TPP2: variants seen among roughly 807,000 people sequenced by gnomAD.
The protein encoded by TPP2 is tripeptidyl-peptidase 2.
A neutral mutation model predicts 155.9 loss-of-function variants in TPP2; 34 were observed. That is an observed-to-expected ratio of 0.22 (90% CI 0.17 to 0.29). TPP2 has a LOEUF of 0.29. Ranked by LOEUF, TPP2 falls within the 10% of genes least tolerant of loss-of-function variation. The probability of loss-of-function intolerance (pLI) is 1.00; values close to 1 mark genes in which losing one functional copy is unlikely to be tolerated. For synonymous variants in TPP2, 510 were observed against 529.4 expected (o/e 0.96, Z 0.50); for missense variants, 1,028 against 1,522.3 (o/e 0.68, Z 5.40).
At position 102,644,674 on chromosome 13, in the gene TPP2, G is replaced by GT. The variant is rs1217380815; in HGVS notation, c.2292+2dup. 1 of 1,590,774 alleles carries GT rather than the reference G, an allele frequency of 6.3e-7. No individual in the cohort carries two copies. The highest frequency in any genetic ancestry group is 8.5e-7 in the Non-Finnish European group (1 of 1,170,424). On this transcript the variant is annotated splice_donor_variant, in intron 18 of 29. Coordinates refer to ENST00000376052, the MANE Select transcript of TPP2 (RefSeq NM_001330588.2). LOFTEE classifies it high-confidence loss of function. ...GTGTACTGCTCCTCAGTTAAACATT[G>GT]TAAGTTCCACAACATTTTCATGATT...
intron 29 of TPP2, 32 bp downstream of exon 29, chr13:102,676,447 A>C (rs1885286400): frequency 6.2e-7 from 1 of 1,601,142 alleles, no homozygotes; most frequent in Admixed American, 1.7e-5. Context: ...ACTGTTAAGC[A>C]TCACTTTGAT....
chr13:102,660,320 AAAAAT>A (rs1159482027), intron 25 of TPP2, among the ~76,000 whole-genome samples: 3 of 152,288 alleles, frequency 2.0e-5, no homozygotes, highest in South Asian at 2.1e-4. Context: ...ATCAAAAACA[AAAAAT>A]AAAATCGAAG....
Position 102,629,560 on chromosome 13 carries a change from A to G in TPP2, c.1095A>G (p.Pro365=). The G allele has an allele frequency of 6.4e-7, 1 of 1,554,928 alleles. No homozygotes were observed. Among genetic ancestry groups the G allele is most frequent in the Non-Finnish European group, 8.6e-7 (1 of 1,159,656 alleles). Reference sequence around the variant, plus strand: ...TTTCAAGTGCTGGAAATAATGGTCCATGCCTGTCTACAGTTGGTTGTCCAG... The same window carrying G: ...TTTCAAGTGCTGGAAATAATGGTCCGTGCCTGTCTACAGTTGGTTGTCCAG... ...IYVSSAGNNG[P]CLSTVGCPGG... The change falls in exon 9 of 30, where the codon CCA becomes CCG. Residue 365 remains proline, a synonymous_variant. Transcript: ENST00000376052.
chr13:102,651,319 T>C, intron 23 of TPP2, 40 bp from the exon 24 acceptor site: 1 of 1,560,770 alleles, frequency 6.4e-7, no homozygotes, highest in Non-Finnish European at 8.7e-7. Context: ...CCTGTGTAGA[T>C]TATGCATGTT....
At chr13:102,655,086 T>TGG (rs1297589030) in intron 24 of TPP2, 2 of 467,734 alleles carry the variant, frequency 4.3e-6, no homozygotes, top group Admixed American at 4.5e-5. Context: ...TGGATTTATA[T>TGG]GGTTATCTGA....
intron 14 of TPP2, among the ~76,000 whole-genome samples, chr13:102,637,846 C>T (rs1198162551): frequency 6.6e-6 from 1 of 152,212 alleles, no homozygotes; most frequent in Non-Finnish European, 1.5e-5. Context: ...CCACCACACC[C>T]AGCCAGTTAT....
At chr13:102,669,466 A>G (rs1016123165) in intron 27 of TPP2, among the ~76,000 whole-genome samples, 6 of 152,236 alleles carry the variant, frequency 3.9e-5, no homozygotes, top group Non-Finnish European at 8.8e-5. Context: ...GTTTAATAAC[A>G]TATTGAGCAG....
intron 5 of TPP2, among the ~76,000 whole-genome samples, chr13:102,619,307 T>A (rs941452280): frequency 3.3e-5 from 5 of 152,212 alleles, no homozygotes; most frequent in Admixed American, 2.0e-4. Flanking sequence ...GTTTCTTTTT[T>A]AGTGCCTTAT....
intron 25 of TPP2, among the ~76,000 whole-genome samples, chr13:102,657,723 A>T (rs1051587140): frequency 6.6e-6 from 1 of 152,170 alleles, no homozygotes; most frequent in Non-Finnish European, 1.5e-5. Flanking sequence ...TTTCTTCATG[A>T]TGCTGCGATA....
chr13:102,645,006 T>G lies in TPP2; in HGVS notation c.2390T>G (p.Leu797Arg), dbSNP rs1290948853. The G allele has an allele frequency of 6.8e-6, 11 of 1,613,200 alleles. No individual in the cohort carries two copies. Among genetic ancestry groups the G allele is most frequent in the Non-Finnish European group, 9.3e-6 (11 of 1,179,510 alleles). Residue 797 changes from leucine (L) to arginine (R), a missense_variant, in exon 19 of 30, where the codon CTG becomes CGG. Leu to Arg is a moderately radical substitution (Grantham distance 102, BLOSUM62 -2). Around this residue, in one of 7 missense-constraint regions of TPP2, gnomAD observed 325 missense variants for 463.7 expected, o/e 0.70. Coordinates refer to ENST00000376052, the MANE Select transcript of TPP2 (RefSeq NM_001330588.2). ...ACTTTGAAGAACTGGGTCCAAACAC[T>G]GCGGTATCATTCAATGTTTTAGGAA... Reference protein sequence around the residue: ...CITLKNWVQTLRPVSAKTKPL... With the variant: ...CITLKNWVQTRRPVSAKTKPL...
At chr13:102,599,177 T>G in intron 1 of TPP2, among the ~76,000 whole-genome samples, 1 of 152,178 alleles carries the variant, frequency 6.6e-6, no homozygotes, top group East Asian at 1.9e-4. Context: ...GCTCCCACCA[T>G]AAGTGAATAG....
At chr13:102,605,172 C>T (rs1031500543) in intron 2 of TPP2, among the ~76,000 whole-genome samples, 4 of 152,088 alleles carry the variant, frequency 2.6e-5, no homozygotes, top group Admixed American at 1.3e-4. Flanking sequence ...GCTGTGACTT[C>T]AGCTGAAGGC....
intron 2 of TPP2, among the ~76,000 whole-genome samples, chr13:102,609,561 C>T (rs748307231): frequency 1.3e-5 from 2 of 151,798 alleles, no homozygotes; most frequent in Non-Finnish European, 2.9e-5. Context: ...CCACACCCGG[C>T]TAATTTTGTA....
Position 102,616,475 on chromosome 13 carries a change from A to C in TPP2, c.470A>C (p.Asp157Ala). The C allele has an allele frequency of 6.2e-7, 1 of 1,612,020 alleles. No individual in the cohort carries two copies. Residue 157 changes from aspartate (D) to alanine (A), a missense_variant, in exon 4 of 30, where the codon GAT becomes GCT. By Grantham distance (126) the Asp-to-Ala change is moderately radical. Coordinates refer to ENST00000376052, the MANE Select transcript of TPP2 (RefSeq NM_001330588.2). ...GCCTGTAGAAAACAGGAAGAATTTG[A>C]TGTTGCCAACAACGGCTCTTCTCAA... is the stretch of plus-strand genomic sequence containing the variant. The part of the protein sequence containing the change: ...AEACRKQEEF[D>A]VANNGSSQAN...
intron 16 of TPP2, among the ~76,000 whole-genome samples, chr13:102,641,411 T>G (rs1882760149): frequency 1.3e-5 from 2 of 152,204 alleles, no homozygotes; most frequent in African/African-American, 4.8e-5. Context: ...TCTTGTCTAG[T>G]CCCGTCAGAA....
chr13:102,670,773 T>A (rs1242859439), intron 27 of TPP2, among the ~76,000 whole-genome samples: 1 of 152,134 alleles, frequency 6.6e-6, no homozygotes. Context: ...TGATAATCAT[T>A]TAATGTGTGT....
intron 25 of TPP2, among the ~76,000 whole-genome samples, chr13:102,662,681 AAGTT>A (rs1203405429): frequency 2.0e-5 from 3 of 152,174 alleles, no homozygotes; most frequent in African/African-American, 4.8e-5. Flanking sequence ...TTTTCATAGA[AAGTT>A]AGTTATAGTA....
At chr13:102,625,254 T>C (rs1346156676) in intron 6 of TPP2, among the ~76,000 whole-genome samples, 1 of 144,432 alleles carries the variant, frequency 6.9e-6, no homozygotes. Flanking sequence ...AAGCTCCGCC[T>C]CCCGGGTTCA....
At chr13:102,656,960 T>C (rs891275115) in intron 24 of TPP2, 96 bp from the exon 25 acceptor site, 1 of 1,315,074 alleles carries the variant, frequency 7.6e-7, no homozygotes, top group East Asian at 2.5e-5. Context: ...ACAACTTAGG[T>C]GCAGCCCATG....
Sources: allele counts gnomAD v4.1 joint callset (sites outside exome capture counted in the v4.1 genomes callset), GRCh38; gene constraint gnomAD v4.1.1; regional missense constraint gnomAD v4.1.1; transcripts MANE v1.5; gene names NCBI Gene and HGNC (gene_info 2026-07-23, HGNC 2026-07-21).